The following TFCP2L1 variants were observed in gnomAD, a reference collection of about 807,000 sequenced individuals.
TFCP2L1 encodes the protein transcription factor CP2 like 1.
A neutral mutation model predicts 72.2 loss-of-function variants in TFCP2L1; 12 were observed. The ratio of observed to expected loss-of-function variants is 0.17; its 90% CI spans 0.11 to 0.27. The LOEUF (loss-of-function observed/expected upper bound fraction) is 0.27, where lower values mean the gene tolerates loss of function less well. TFCP2L1 is among the 10% of genes least tolerant of loss of function. The pLI, the probability that TFCP2L1 is intolerant of heterozygous loss-of-function variation, is 1.00. For synonymous variants in TFCP2L1, 260 were observed against 251.0 expected, an observed-to-expected ratio of 1.04 and a Z score of -0.34; for missense variants, 488 against 624.6, an observed-to-expected ratio of 0.78 and a Z score of 2.33.
intron 1 of TFCP2L1, among the ~76,000 whole-genome samples, chr2:121,284,003 C>T (rs866042255): frequency 6.6e-6 from 1 of 152,140 alleles, no homozygotes; most frequent in Non-Finnish European, 1.5e-5. Context: ...CCAATCATTC[C>T]CCCGCCTCCA....
intron 2 of TFCP2L1, among the ~76,000 whole-genome samples, chr2:121,253,290 G>C (rs2104713564): frequency 6.6e-6 from 1 of 152,326 alleles, no homozygotes; most frequent in East Asian, 1.9e-4. Flanking sequence ...GAGGGAAGAG[G>C]AGCAAACCCC....
chr2:121,256,650 G>A (rs150938222), intron 2 of TFCP2L1, among the ~76,000 whole-genome samples: 6,537 of 152,042 alleles, frequency 0.043, 213 homozygotes, highest in East Asian at 0.13. Context: ...GGTGGTGGGC[G>A]CCTGTAGTCC....
rs539675246 is a variant in TFCP2L1, at chr2:121,230,117, C to A, written c.1341+1709G>T. 5.9e-5 allele frequency among the ~76,000 whole-genome samples: 9 copies of A among 152,258 alleles called. No individual in the cohort carries two copies. In the South Asian group the frequency reaches 1.9e-3, roughly 32 times the overall value. On this transcript the variant is annotated intron_variant, in intron 13 of 14. Coordinates refer to ENST00000263707, the MANE Select transcript of TFCP2L1 (RefSeq NM_014553.3). The stretch of plus-strand genomic sequence containing the variant: ...GGTCTGCTGGGGGCTGAACTGGGGG[C>A]ACACGATCCCATCCCGCTCCCACCA...
Position 121,285,166 on chromosome 2 carries a change from C to A in TFCP2L1, c.-57G>T. On this transcript the variant is annotated 5_prime_UTR_variant, in exon 1 of 15. Transcript: ENST00000263707. ...CGGCAGCAAGCGCAGACGCGGGGCGCGCCGAGGACCCAGCGGCGGCTTCGC... is the reference window on the plus strand; with the variant it reads ...CGGCAGCAAGCGCAGACGCGGGGCGAGCCGAGGACCCAGCGGCGGCTTCGC... The A allele has an allele frequency of 2.2e-6, 3 of 1,381,016 alleles. No individual in the cohort carries two copies. Among genetic ancestry groups the A allele is most frequent in the East Asian group, 3.1e-5 (1 of 32,298 alleles). The allele number at this position is 1,381,016 out of a possible 1,614,324, so 85.5% of individuals were successfully genotyped here. A position where few individuals can be genotyped will look rare whatever the true frequency, so the allele number is the denominator to read the frequency against.
chr2:121,264,509 C>CAGAT (rs1210208287), intron 2 of TFCP2L1, among the ~76,000 whole-genome samples: 4 of 152,192 alleles, frequency 2.6e-5, no homozygotes, highest in African/African-American at 7.2e-5. Flanking sequence ...CAGTCCCCTC[C>CAGAT]TGGGAGTGCA....
chr2:121,236,501 G>GTAC (rs144932129), intron 10 of TFCP2L1, among the ~76,000 whole-genome samples: 1 of 152,224 alleles, frequency 6.6e-6, no homozygotes, highest in East Asian at 1.9e-4. Flanking sequence ...ACTCTCCAAG[G>GTAC]TACTAGTATA....
chr2:121,252,568 G>A (rs1686633201), intron 2 of TFCP2L1, among the ~76,000 whole-genome samples: 3 of 152,120 alleles, frequency 2.0e-5, no homozygotes, highest in African/African-American at 7.2e-5. Context: ...GTGTGCTTAT[G>A]AGAAACACAA....
intron 8 of TFCP2L1, 118 bp downstream of exon 8, chr2:121,239,440 G>T (rs115818169): frequency 1.8e-5 from 20 of 1,092,454 alleles, no homozygotes; most frequent in Middle Eastern, 2.0e-4. Context: ...ACTGCAACAC[G>T]AGTTAGCTAC....
chr2:121,247,493 A>T (rs886696117), intron 5 of TFCP2L1, among the ~76,000 whole-genome samples: 6 of 152,288 alleles, frequency 3.9e-5, no homozygotes, highest in African/African-American at 1.4e-4. Context: ...GAATCCATAC[A>T]TAACTGTAAT....
intron 10 of TFCP2L1, among the ~76,000 whole-genome samples, chr2:121,236,522 G>A (rs1163153502): frequency 1.3e-5 from 2 of 152,114 alleles, no homozygotes; most frequent in Non-Finnish European, 2.9e-5. Context: ...TCAGCCTCAG[G>A]TGAAAGCCTG....
At chr2:121,276,145 C>T (rs2104761825) in intron 2 of TFCP2L1, among the ~76,000 whole-genome samples, 1 of 152,214 alleles carries the variant, frequency 6.6e-6, no homozygotes, top group East Asian at 1.9e-4. Context: ...TATACATGTG[C>T]CATGGTGGTT....
At chr2:121,271,806 C>T (rs994143984) in intron 2 of TFCP2L1, among the ~76,000 whole-genome samples, 2 of 152,202 alleles carry the variant, frequency 1.3e-5, no homozygotes, top group Non-Finnish European at 2.9e-5. Context: ...AACTGCAAAT[C>T]TGTTTGGTTC....
At chr2:121,250,659 T>G (rs1030622118) in intron 2 of TFCP2L1, among the ~76,000 whole-genome samples, 1 of 150,002 alleles carries the variant, frequency 6.7e-6, no homozygotes, top group African/African-American at 2.4e-5. Context: ...CAGGCTGGAG[T>G]GCAGTGGCAC....
intron 8 of TFCP2L1, among the ~76,000 whole-genome samples, chr2:121,238,585 G>A (rs2104681959): frequency 1.3e-5 from 2 of 152,218 alleles, no homozygotes; most frequent in Admixed American, 1.3e-4. Flanking sequence ...CCCTCGCAGG[G>A]CTGATCCCCA....
rs1482713814 is a variant in TFCP2L1 at position 121,263,501 on chromosome 2, C to T, written c.215-13854G>A. Among the ~76,000 whole-genome samples, 4 of 122,844 alleles carry T rather than the reference C, an allele frequency of 3.3e-5. No homozygotes were observed. The South Asian group carries it at 1.1e-3, about 33-fold the overall frequency. 80.6% of individuals were successfully genotyped at this position (122,844 alleles called of 152,430 possible). A position where few individuals can be genotyped will look rare whatever the true frequency, so the allele number is the denominator to read the frequency against. On this transcript the variant is annotated intron_variant, in intron 2 of 14. Coordinates refer to ENST00000263707, the MANE Select transcript of TFCP2L1 (RefSeq NM_014553.3). ...AAAAAAAAAAAAAAAAAAGGGCATA[C>T]AAACACATGAAGATGCTTAATTTCA...
intron 10 of TFCP2L1, among the ~76,000 whole-genome samples, 165 bp from the exon 11 acceptor site, chr2:121,235,476 T>C (rs568705352): frequency 7.2e-5 from 11 of 151,932 alleles, no homozygotes; most frequent in Middle Eastern, 3.4e-3. Flanking sequence ...CATCAAAAGA[T>C]TGCAGCCCAG....
At chr2:121,261,099 T>C (rs1686823192) in intron 2 of TFCP2L1, among the ~76,000 whole-genome samples, 1 of 152,156 alleles carries the variant, frequency 6.6e-6, no homozygotes, top group African/African-American at 2.4e-5. Flanking sequence ...CAAGTGTCTG[T>C]TGACACAGAG....
intron 5 of TFCP2L1, 113 bp downstream of exon 5, chr2:121,248,051 C>T (rs144347362): frequency 5.1e-4 from 390 of 760,788 alleles, no homozygotes; most frequent in Middle Eastern, 1.1e-3. Context: ...TTCCCAGTGA[C>T]AGGGAGCAGA....
chr2:121,242,299 G>T, intron 7 of TFCP2L1, 60 bp downstream of exon 7: 1 of 1,453,414 alleles, frequency 6.9e-7, no homozygotes, highest in Non-Finnish European at 9.7e-7. Flanking sequence ...ATCTAAACCA[G>T]CAGCCCTGCT....
Sources: gnomAD v4.1 joint callset for allele counts (sites outside exome capture counted in the v4.1 genomes callset) on GRCh38, gnomAD v4.1.1 for gene constraint, MANE v1.5 for transcripts, NCBI Gene and HGNC (gene_info 2026-07-23, HGNC 2026-07-21) for gene names.